BCAT1: variants seen among roughly 807,000 people sequenced by gnomAD.
BCAT1 encodes the protein branched-chain-amino-acid aminotransferase, cytosolic.
A neutral mutation model predicts 52.4 loss-of-function variants in BCAT1; 48 were observed. The observed-to-expected ratio is 0.92, with a 90% CI of 0.73 to 1.16. BCAT1 has a LOEUF of 1.16. Ranked by LOEUF, BCAT1 falls within the 50% of genes most tolerant of loss-of-function variation. BCAT1 has a pLI of 0.00. For missense variants in BCAT1, 451 were observed against 457.1 expected (o/e 0.99, Z 0.12); for synonymous variants, 167 against 161.3 (o/e 1.04, Z -0.27).
At chr12:24,875,042 G>T (rs1047168217) in intron 5 of BCAT1, among the ~76,000 whole-genome samples, 4 of 148,534 alleles carry the variant, frequency 2.7e-5, no homozygotes, top group African/African-American at 9.9e-5. Context: ...TGACAGAGTT[G>T]AGCTTGCAAT....
intron 1 of BCAT1, among the ~76,000 whole-genome samples, chr12:24,908,525 G>C (rs1943262606): frequency 6.6e-6 from 1 of 152,178 alleles, no homozygotes; most frequent in South Asian, 2.1e-4. Flanking sequence ...CAGGTCACTT[G>C]AGCTCAGGAG....
At chr12:24,869,825 G>T (rs1414338921) in intron 5 of BCAT1, among the ~76,000 whole-genome samples, 1 of 152,194 alleles carries the variant, frequency 6.6e-6, no homozygotes, top group African/African-American at 2.4e-5. Flanking sequence ...TCTTAACCAT[G>T]TGCTGGGTCC....
At position 24,816,401 on chromosome 12, in the gene BCAT1, C is replaced by A; in HGVS notation, c.*1607G>T. The A allele has an allele frequency of 2.5e-6, 1 of 397,028 alleles. No homozygotes were observed. Among genetic ancestry groups the A allele is most frequent in the South Asian group, 1.3e-4 (1 of 7,448 alleles). 24.6% of individuals were successfully genotyped at this position (397,028 alleles called of 1,614,324 possible). On this transcript the variant is annotated 3_prime_UTR_variant, in exon 11 of 11. Transcript: ENST00000261192. ...CCTTCCAAGGAAAAATGTTTTCTGT[C>A]AAGATTTGACTTTCCTTAGATAAAC...
chr12:24,890,538 C>T lies in BCAT1; in HGVS notation c.279+3737G>A, dbSNP rs373136509. On this transcript the variant is annotated intron_variant, in intron 3 of 10. Transcript: ENST00000261192. Reference sequence around the variant, plus strand: ...AATGAAAGGGATGTCTGGCCGTCCTCGCTGCTCATTATAAGCTAATTATAA... The same window carrying T: ...AATGAAAGGGATGTCTGGCCGTCCTTGCTGCTCATTATAAGCTAATTATAA... Among the ~76,000 whole-genome samples the T allele has an allele frequency of 4.7e-4, 72 of 152,250 alleles. No individual in the cohort carries two copies. The South Asian group carries it at 6.8e-3, about 14-fold the overall frequency.
At position 24,881,349 on chromosome 12, in the gene BCAT1, G is replaced by T. The variant is rs749023147; in HGVS notation, c.342C>A (p.Asn114Lys). 1 of 1,613,526 alleles carries T rather than the reference G, an allele frequency of 6.2e-7. No homozygotes were observed. Among genetic ancestry groups the T allele is most frequent in the Non-Finnish European group, 8.5e-7 (1 of 1,179,490 alleles). The change falls in exon 4 of 11, where the codon AAC becomes AAA. Residue 114 changes from asparagine to lysine, a missense_variant. By Grantham distance (94) the Asn-to-Lys change is moderately conservative. Transcript: ENST00000261192. ...AGCGATACATTCTATCCATGTTGAG[G>T]TTTGGCTGAAACAGTCGAATTTTAT... The part of the protein sequence containing the change: ...VDNKIRLFQP[N>K]LNMDRMYRSA...
At chr12:24,903,008 G>C in intron 1 of BCAT1, 1 of 1,443,184 alleles carries the variant, frequency 6.9e-7, no homozygotes, top group Non-Finnish European at 9.1e-7. Flanking sequence ...GCGGGGACGC[G>C]GGGCTGCAGA....
At chr12:24,906,845 A>G (rs1943233863) in intron 1 of BCAT1, among the ~76,000 whole-genome samples, 1 of 152,182 alleles carries the variant, frequency 6.6e-6, no homozygotes, top group Admixed American at 6.5e-5. Flanking sequence ...CCATTTCTCC[A>G]ACCATGTTAT....
chr12:24,819,159 AC>A (rs1940003729), intron 10 of BCAT1, among the ~76,000 whole-genome samples: 1 of 152,166 alleles, frequency 6.6e-6, no homozygotes, highest in East Asian at 1.9e-4. Context: ...GTTCTTGACC[AC>A]CACCAAGACT....
chr12:24,915,431 C>T (rs926143772), intron 1 of BCAT1, among the ~76,000 whole-genome samples: 2 of 152,044 alleles, frequency 1.3e-5, no homozygotes, highest in African/African-American at 2.4e-5. Flanking sequence ...CTATTGAGCA[C>T]GCCTGTCAGA....
intron 5 of BCAT1, among the ~76,000 whole-genome samples, chr12:24,868,305 A>G (rs1226891635): frequency 3.9e-5 from 6 of 152,192 alleles, no homozygotes; most frequent in Non-Finnish European, 8.8e-5. Flanking sequence ...CATATGTCCA[A>G]TGGATACCCC....
intron 5 of BCAT1, among the ~76,000 whole-genome samples, chr12:24,858,668 T>C (rs1810182200): frequency 6.6e-6 from 1 of 152,218 alleles, no homozygotes; most frequent in Non-Finnish European, 1.5e-5. Flanking sequence ...CACTTATTTA[T>C]CAGACTTTTC....
intron 1 of BCAT1, among the ~76,000 whole-genome samples, chr12:24,912,370 A>T (rs1943340945): frequency 6.6e-6 from 1 of 152,084 alleles, no homozygotes. Context: ...ATACAAAAAA[A>T]TTAGCCGGGC....
At chr12:24,845,608 G>A (rs1941321790) in intron 6 of BCAT1, among the ~76,000 whole-genome samples, 1 of 152,178 alleles carries the variant, frequency 6.6e-6, no homozygotes, top group Non-Finnish European at 1.5e-5. Flanking sequence ...AAGCAAGTTA[G>A]TCCTTATTTT....
chr12:24,886,426 C>T (rs1057405703), intron 3 of BCAT1, among the ~76,000 whole-genome samples: 2 of 152,082 alleles, frequency 1.3e-5, no homozygotes, highest in Admixed American at 1.3e-4. Flanking sequence ...AAAAATCTGC[C>T]AAATGGCCAA....
At chr12:24,826,477 T>A (rs1386434371) in intron 10 of BCAT1, among the ~76,000 whole-genome samples, 1 of 152,184 alleles carries the variant, frequency 6.6e-6, no homozygotes, top group Non-Finnish European at 1.5e-5. Flanking sequence ...GGTTCTCTAT[T>A]CTGTCCCACT....
chr12:24,920,032 G>T, intron 1 of BCAT1, among the ~76,000 whole-genome samples: 1 of 151,896 alleles, frequency 6.6e-6, no homozygotes, highest in Admixed American at 6.6e-5. Flanking sequence ...CCCTGTCTTG[G>T]GTATGTCTTT....
intron 2 of BCAT1, among the ~76,000 whole-genome samples, chr12:24,898,543 T>TTTTTTTTTTTTTTTTTTC (rs1943014923): frequency 6.9e-6 from 1 of 143,910 alleles, no homozygotes; most frequent in African/African-American, 2.6e-5. Flanking sequence ...TTTTTTTTTT[T>TTTTTTTTTTTTTTTTTTC]TTTGCTCTGT....
intron 10 of BCAT1, among the ~76,000 whole-genome samples, chr12:24,820,303 T>C (rs1404758857): frequency 1.3e-5 from 2 of 152,222 alleles, no homozygotes; most frequent in African/African-American, 4.8e-5. Context: ...ATATTACAGG[T>C]AATTCATAAT....
At position 24,933,109 on chromosome 12, in the gene BCAT1, C is replaced by CTT. The variant is rs57512325; in HGVS notation, c.6+15816_6+15817dup. ...ACAAGCATGAGCCACCACGCCTGGC[C>CTT]TTTTTTTTTTTTTTTTTTTTTTTTT... is the stretch of plus-strand genomic sequence containing the variant. On this transcript the variant is annotated intron_variant, in intron 1 of 10. Transcript: ENST00000261192. Among the ~76,000 whole-genome samples the CTT allele has an allele frequency of 2.9e-4, 20 of 68,580 alleles. 2 individuals carry two copies. Among genetic ancestry groups the CTT allele is most frequent in the African/African-American group, 1.1e-3 (18 of 16,034 alleles). The allele number at this position is 68,580 out of a possible 152,430, so 45.0% of individuals were successfully genotyped here.
Sources: gnomAD v4.1 joint callset for allele counts (sites outside exome capture counted in the v4.1 genomes callset) on GRCh38, gnomAD v4.1.1 for gene constraint, MANE v1.5 for transcripts, NCBI Gene and HGNC (gene_info 2026-07-23, HGNC 2026-07-21) for gene names.